Variants in BMF observed in about 807,000 individuals in gnomAD.
BMF encodes the protein bcl-2-modifying factor.
In BMF, 10 loss-of-function variants were observed where a neutral mutation model predicts 22.0. The observed-to-expected ratio is 0.45, with a 90% CI of 0.28 to 0.77. BMF has a LOEUF of 0.77. BMF is among the 30% of genes least tolerant of loss of function. The pLI is 0.13. For missense variants in BMF, 206 were observed against 226.8 expected (o/e 0.91, Z 0.59); for synonymous variants, 87 against 88.1 (o/e 0.99, Z 0.07).
rs60889301 is a variant in BMF, at chr15:40,105,606, C to G, written c.292+189G>C. On this transcript the variant is annotated intron_variant, in intron 3 of 4. Transcript: ENST00000354670. The stretch of plus-strand genomic sequence containing the variant: ...ATCCCTCCAGGAGGGGACAATTTGC[C>G]CTTTGGGGGGTCTGAGGCACAGGTG... Among the ~76,000 whole-genome samples, 1,173 of 152,238 alleles carry G rather than the reference C, an allele frequency of 7.7e-3. 19 individuals carry two copies. The highest frequency in any genetic ancestry group is 0.027 in the African/African-American group (1,110 of 41,544).
intron 3 of BMF, among the ~76,000 whole-genome samples, chr15:40,105,056 T>C (rs1183094720): frequency 6.6e-6 from 1 of 152,192 alleles, no homozygotes; most frequent in Non-Finnish European, 1.5e-5. Context: ...AGAACTGCTT[T>C]GCCAGAACTG....
intron 4 of BMF, among the ~76,000 whole-genome samples, chr15:40,099,829 C>A (rs927486145): frequency 6.6e-6 from 1 of 150,962 alleles, no homozygotes; most frequent in Admixed American, 6.6e-5. Context: ...ATGATTTGCC[C>A]ACGAACACAT....
rs1373222618 is a variant in BMF at position 40,089,649 on chromosome 15, C to T, written c.*2138G>A. 1 of 152,266 alleles carries T rather than the reference C, an allele frequency of 6.6e-6. No individual in the cohort carries two copies. The highest frequency in any genetic ancestry group is 1.5e-5 in the Non-Finnish European group (1 of 68,066). 9.4% of individuals were successfully genotyped at this position (152,266 alleles called of 1,614,324 possible). ...AAGATCTAAATCATTTTCTCTCTCACTGAACTCAGGTGGAGAGTCTGCCAA... is the reference window on the plus strand; with the variant it reads ...AAGATCTAAATCATTTTCTCTCTCATTGAACTCAGGTGGAGAGTCTGCCAA... On this transcript the variant is annotated 3_prime_UTR_variant, in exon 5 of 5. Coordinates refer to ENST00000354670, the MANE Select transcript of BMF (RefSeq NM_001003940.2).
At chr15:40,097,891 T>C (rs1446665182) in intron 4 of BMF, among the ~76,000 whole-genome samples, 1 of 152,198 alleles carries the variant, frequency 6.6e-6, no homozygotes, top group Non-Finnish European at 1.5e-5. Context: ...GACTTTCTGC[T>C]TTGAGACTGC....
At chr15:40,097,979 A>G (rs1019669048) in intron 4 of BMF, among the ~76,000 whole-genome samples, 7 of 152,074 alleles carry the variant, frequency 4.6e-5, no homozygotes, top group Non-Finnish European at 1.0e-4. Flanking sequence ...CCAGAGGGCA[A>G]CCCCTTGGAC....
chr15:40,104,285 A>G lies in BMF; in HGVS notation c.348T>C (p.Ile116=). The change falls in exon 4 of 5, where the codon ATT becomes ATC. Residue 116 remains isoleucine, a synonymous_variant. Coordinates refer to ENST00000354670, the MANE Select transcript of BMF (RefSeq NM_001003940.2). ...LPASFPAVLP[I]GEQPPEGQWQ... is the part of the protein sequence containing the mutation. ...ACTGCCCTTCGGGGGGCTGCTCCCCAATGGGCAAGACTGCTGGGAAACTGG... is the reference window on the plus strand; with the variant it reads ...ACTGCCCTTCGGGGGGCTGCTCCCCGATGGGCAAGACTGCTGGGAAACTGG... 3 of 1,614,224 alleles carry G rather than the reference A, an allele frequency of 1.9e-6. No homozygotes were observed. The highest frequency in any genetic ancestry group is 2.5e-6 in the Non-Finnish European group (3 of 1,180,046).
intron 4 of BMF, among the ~76,000 whole-genome samples, chr15:40,099,489 C>T (rs2036430837): frequency 6.6e-6 from 1 of 152,088 alleles, no homozygotes; most frequent in African/African-American, 2.4e-5. Context: ...TATTAGAAAC[C>T]AAGACTAAGC....
intron 4 of BMF, among the ~76,000 whole-genome samples, chr15:40,096,358 C>T (rs900237176): frequency 1.3e-5 from 2 of 152,076 alleles, no homozygotes; most frequent in African/African-American, 4.8e-5. Context: ...CTGTGTGTCA[C>T]CAGTGTTCCA....
chr15:40,107,535 TGTGTG>T (rs930015546), intron 2 of BMF, among the ~76,000 whole-genome samples: 21 of 59,550 alleles, frequency 3.5e-4, no homozygotes, highest in African/African-American at 9.6e-4. Flanking sequence ...GTTTCCCAAG[TGTGTG>T]TGTGTGTGTG....
chr15:40,098,030 C>G (rs2036401614), intron 4 of BMF, among the ~76,000 whole-genome samples: 1 of 152,180 alleles, frequency 6.6e-6, no homozygotes, highest in African/African-American at 2.4e-5. Flanking sequence ...GACCCAGAGG[C>G]CCGAGGAACG....
At chr15:40,094,172 C>A (rs1263928809) in intron 4 of BMF, among the ~76,000 whole-genome samples, 1 of 152,196 alleles carries the variant, frequency 6.6e-6, no homozygotes, top group African/African-American at 2.4e-5. Context: ...ATTCTCATCT[C>A]TGTATGCCTC....
Position 40,091,320 on chromosome 15 carries a change from A to C in BMF, c.*467T>G, listed in dbSNP as rs139768749. On this transcript the variant is annotated 3_prime_UTR_variant, in exon 5 of 5. Coordinates refer to ENST00000354670, the MANE Select transcript of BMF (RefSeq NM_001003940.2). The stretch of plus-strand genomic sequence containing the variant: ...CCCTGGCCGAAGCCCTGCTGGGTTA[A>C]AGCAATGTGACCATCAGGATCACGG... The C allele has an allele frequency of 1.9e-5, 3 of 153,952 alleles. No individual in the cohort carries two copies. The highest frequency in any genetic ancestry group is 7.2e-5 in the African/African-American group (3 of 41,584). The allele number at this position is 153,952 out of a possible 1,614,324, so 9.5% of individuals were successfully genotyped here.
intron 4 of BMF, among the ~76,000 whole-genome samples, chr15:40,100,000 C>T (rs368064613): frequency 3.3e-4 from 51 of 152,272 alleles, no homozygotes; most frequent in African/African-American, 1.1e-3. Context: ...TTTCCAAACC[C>T]GGCTTTTCTG....
Position 40,105,853 on chromosome 15 carries a change from G to T in BMF, c.234C>A (p.Pro78=). The T allele has an allele frequency of 6.2e-7, 1 of 1,614,058 alleles. No individual in the cohort carries two copies. The highest frequency in any genetic ancestry group is 8.5e-7 in the Non-Finnish European group (1 of 1,179,990). The part of the protein sequence containing the change: ...KATQTLSPAS[P]SQGVMLPCGV... The stretch of plus-strand genomic sequence containing the variant: ...CACAAGGCAGCATGACACCTTGGCT[G>T]GGGGAGGCTGGGCTGAGAGTCTGGG... The change falls in exon 3 of 5, where the codon CCC becomes CCA. Residue 78 remains proline (P), a synonymous_variant. Transcript: ENST00000354670.
intron 4 of BMF, among the ~76,000 whole-genome samples, chr15:40,102,695 T>G (rs1288445076): frequency 1.3e-5 from 2 of 152,136 alleles, no homozygotes; most frequent in African/African-American, 4.8e-5. Flanking sequence ...CACTGTGTCC[T>G]CCCATCCTCT....
At chr15:40,104,661 C>T (rs1219149743) in intron 3 of BMF, among the ~76,000 whole-genome samples, 1 of 152,238 alleles carries the variant, frequency 6.6e-6, no homozygotes, top group Admixed American at 6.5e-5. Context: ...CTACCCTTAA[C>T]CACAGTTGGT....
At chr15:40,105,764 T>C (rs1211878065) in intron 3 of BMF, 31 bp downstream of exon 3, 6 of 1,561,542 alleles carry the variant, frequency 3.8e-6, no homozygotes, top group South Asian at 3.6e-5. Flanking sequence ...CCAGTCTCTA[T>C]GGGAGGAGTC....
In BMF at chr15:40,092,933, G is replaced by A. The variant is rs184068036; in HGVS notation, c.454-1045C>T. ...TAGTGTGCAGAAAGGAGCCAGCACGGGCTGGACTTGGATTACTTCAGTGGC... is the reference window on the plus strand; with the variant it reads ...TAGTGTGCAGAAAGGAGCCAGCACGAGCTGGACTTGGATTACTTCAGTGGC... On this transcript the variant is annotated intron_variant, in intron 4 of 4. Transcript: ENST00000354670. Among the ~76,000 whole-genome samples, 5 of 152,332 alleles carry A rather than the reference G, an allele frequency of 3.3e-5. No homozygotes were observed. The East Asian group carries it at 7.7e-4, about 24-fold the overall frequency.
intron 4 of BMF, among the ~76,000 whole-genome samples, chr15:40,099,201 A>G (rs1156441041): frequency 6.6e-6 from 1 of 152,268 alleles, no homozygotes; most frequent in Non-Finnish European, 1.5e-5. Context: ...AAAACCACTC[A>G]CTAATAACTA....
Sources: allele counts gnomAD v4.1 joint callset (sites outside exome capture counted in the v4.1 genomes callset), GRCh38; gene constraint gnomAD v4.1.1; transcripts MANE v1.5; gene names NCBI Gene and HGNC (gene_info 2026-07-23, HGNC 2026-07-21).